The following ANK3 variants were observed in gnomAD, a reference collection of about 807,000 sequenced individuals.
ANK3 encodes the protein ankyrin-3.
In ANK3, 57 loss-of-function variants were observed where a neutral mutation model predicts 370.9. The observed-to-expected ratio is 0.15, with a 90% CI of 0.12 to 0.19. The LOEUF is 0.19. ANK3 is among the 10% of genes least tolerant of loss of function. The pLI is 1.00. For synonymous variants in ANK3, 1,929 were observed against 1,946.3 expected (o/e 0.99, Z 0.23); for missense variants, 4,439 against 5,302.1 (o/e 0.84, Z 5.06).
At chr10:60,314,024 T>C (rs1346578039) in intron 1 of ANK3, among the ~76,000 whole-genome samples, 1 of 152,012 alleles carries the variant, frequency 6.6e-6, no homozygotes, top group Non-Finnish European at 1.5e-5. Context: ...GTGTGCACTC[T>C]TCTAAGACAA....
intron 18 of ANK3, among the ~76,000 whole-genome samples, chr10:60,179,457 G>T (rs2096078287): frequency 6.6e-6 from 1 of 152,196 alleles, no homozygotes; most frequent in Non-Finnish European, 1.5e-5. Flanking sequence ...CATTTTGGGA[G>T]GCCAAGGCAG....
Position 60,173,205 on chromosome 10 carries a change from TA to T in ANK3, c.2185-20del. The T allele has an allele frequency of 6.4e-7, 1 of 1,568,836 alleles. No homozygotes were observed. Among genetic ancestry groups the T allele is most frequent in the South Asian group, 1.2e-5 (1 of 85,850 alleles). On this transcript the variant is annotated intron_variant, in intron 18 of 43. Coordinates refer to ENST00000280772, the MANE Select transcript of ANK3 (RefSeq NM_020987.5). ...ATCCCATCTGTAATTATTATTTTTTTAAAAAAGAAGCATCATAATTACACTT... is the reference window on the plus strand; with the variant it reads ...ATCCCATCTGTAATTATTATTTTTTTAAAAAGAAGCATCATAATTACACTT...
At chr10:60,616,200 A>T (rs1322436589) in intron 1 of ANK3, among the ~76,000 whole-genome samples, 1 of 152,176 alleles carries the variant, frequency 6.6e-6, no homozygotes, top group Admixed American at 6.5e-5. Flanking sequence ...AAATAGAAGG[A>T]AATTAACATT....
At chr10:60,330,287 C>A (rs1446300352) in intron 1 of ANK3, among the ~76,000 whole-genome samples, 1 of 152,160 alleles carries the variant, frequency 6.6e-6, no homozygotes, top group South Asian at 2.1e-4. Context: ...CAAATGGGAT[C>A]TAATTAAACT....
At chr10:60,617,248 A>G (rs1426268253) in intron 1 of ANK3, among the ~76,000 whole-genome samples, 2 of 152,018 alleles carry the variant, frequency 1.3e-5, no homozygotes, top group African/African-American at 4.8e-5. Flanking sequence ...TCAATCCAGC[A>G]TCAATTAAAT....
chr10:60,565,521 C>T (rs574392588), intron 2 of ANK3, among the ~76,000 whole-genome samples: 31 of 152,172 alleles, frequency 2.0e-4, no homozygotes, highest in Non-Finnish European at 7.3e-5. Flanking sequence ...TTTTGGGAAA[C>T]CCCAGGTCGA....
At chr10:60,192,452 G>A (rs1159566338) in intron 16 of ANK3, among the ~76,000 whole-genome samples, 1 of 150,802 alleles carries the variant, frequency 6.6e-6, no homozygotes, top group East Asian at 1.9e-4. Flanking sequence ...TACAATTTAT[G>A]TGCGTGTATA....
At chr10:60,549,611 G>T (rs1429934961) in intron 2 of ANK3, among the ~76,000 whole-genome samples, 1 of 152,032 alleles carries the variant, frequency 6.6e-6, no homozygotes, top group Admixed American at 6.5e-5. Flanking sequence ...ACATGAATCT[G>T]CCCAGAATTC....
At chr10:60,534,549 C>T (rs1474645023) in intron 2 of ANK3, among the ~76,000 whole-genome samples, 2 of 152,038 alleles carry the variant, frequency 1.3e-5, no homozygotes, top group Non-Finnish European at 2.9e-5. Context: ...TATATTGGCA[C>T]TCAAGAAAAA....
chr10:60,157,885 A>AG (rs1565369271), intron 23 of ANK3, among the ~76,000 whole-genome samples: 15 of 91,388 alleles, frequency 1.6e-4, no homozygotes, highest in East Asian at 1.4e-3. Flanking sequence ...AGAGAGAGAA[A>AG]AAGAGAGAGA....
intron 2 of ANK3, among the ~76,000 whole-genome samples, chr10:60,537,786 T>A (rs1193366602): frequency 6.6e-6 from 1 of 151,970 alleles, no homozygotes; most frequent in African/African-American, 2.4e-5. Context: ...TTGGAATATA[T>A]GGCTTATTGG....
At chr10:60,176,167 C>T (rs1262984199) in intron 18 of ANK3, among the ~76,000 whole-genome samples, 2 of 141,488 alleles carry the variant, frequency 1.4e-5, no homozygotes, top group African/African-American at 5.3e-5. Context: ...AACCCTGTCT[C>T]TGCTAAAAAT....
At chr10:60,632,195 C>A (rs1358968439) in intron 1 of ANK3, among the ~76,000 whole-genome samples, 1 of 148,340 alleles carries the variant, frequency 6.7e-6, no homozygotes, top group African/African-American at 2.5e-5. Flanking sequence ...GTTATGTTAT[C>A]TTGGGGCCTT....
chr10:60,658,887 AAGAG>A (rs199630420), intron 1 of ANK3, among the ~76,000 whole-genome samples: 7 of 147,424 alleles, frequency 4.7e-5, no homozygotes, highest in South Asian at 2.3e-4. Context: ...AGAAAAGAGA[AAGAG>A]AGAGAAAAAG....
At chr10:60,438,467 C>T (rs1262077054) in intron 2 of ANK3, among the ~76,000 whole-genome samples, 20 of 152,116 alleles carry the variant, frequency 1.3e-4, no homozygotes, top group Non-Finnish European at 1.5e-5. Context: ...TAACCTAGTT[C>T]CCACATCCCA....
intron 28 of ANK3, among the ~76,000 whole-genome samples, chr10:60,094,668 G>A (rs2089682124): frequency 6.6e-6 from 1 of 152,074 alleles, no homozygotes; most frequent in South Asian, 2.1e-4. Flanking sequence ...TTGATGGCTA[G>A]GCTATGAAAT....
chr10:60,270,309 C>G (rs1422954449), intron 4 of ANK3, 80 bp from the exon 5 acceptor site: 20 of 799,540 alleles, frequency 2.5e-5, no homozygotes, highest in Non-Finnish European at 3.3e-5. Context: ...GATTTATGCT[C>G]CAAGAAGTGC....
At chr10:60,048,196 C>T (rs1013437610) in intron 42 of ANK3, among the ~76,000 whole-genome samples, 1 of 152,108 alleles carries the variant, frequency 6.6e-6, no homozygotes, top group East Asian at 1.9e-4. Context: ...GGAACCACCC[C>T]AGACTAGTTT....
At chr10:60,529,518 C>T (rs149736554) in intron 2 of ANK3, among the ~76,000 whole-genome samples, 37 of 152,194 alleles carry the variant, frequency 2.4e-4, no homozygotes, top group Admixed American at 2.0e-4. Context: ...CTCAGGTGCA[C>T]GCACTCCAGA....
Sources: gnomAD v4.1 joint callset for allele counts (sites outside exome capture counted in the v4.1 genomes callset) on GRCh38, gnomAD v4.1.1 for gene constraint, MANE v1.5 for transcripts, NCBI Gene and HGNC (gene_info 2026-07-23, HGNC 2026-07-21) for gene names.